LRRC37A2: variants seen among roughly 807,000 people sequenced by gnomAD.
LRRC37A2 encodes the protein leucine rich repeat containing 37 member A2.
A neutral mutation model predicts 68.8 loss-of-function variants in LRRC37A2; 9 were observed. The ratio of observed to expected loss-of-function variants is 0.13; its 90% confidence interval spans 0.08 to 0.23. The LOEUF is 0.23. Ranked by LOEUF, LRRC37A2 falls within the 10% of genes least tolerant of loss-of-function variation. LRRC37A2 has a pLI of 1.00. For missense variants in LRRC37A2, 168 were observed against 950.4 expected, an observed-to-expected ratio of 0.18 and a Z score of 10.82; for synonymous variants, 63 against 367.6, an observed-to-expected ratio of 0.17 and a Z score of 9.48.
the LRRC37A2 span, among the ~76,000 whole-genome samples, chr17:46,853,041 C>T: frequency 2.0e-5 from 3 of 152,166 alleles, no homozygotes; most frequent in Admixed American, 2.0e-4. Context: ...AGGGGTTGAA[C>T]TTGATATGAC....
At chr17:46,776,334 C>G in the LRRC37A2 span, among the ~76,000 whole-genome samples, 3 of 152,310 alleles carry the variant, frequency 2.0e-5, no homozygotes, top group Admixed American at 2.0e-4. Flanking sequence ...ACAGCACTGC[C>G]CCTGCCCTGT....
chr17:46,491,062 T>C, the LRRC37A2 span, among the ~76,000 whole-genome samples: 1 of 150,616 alleles, frequency 6.6e-6, no homozygotes, highest in African/African-American at 2.5e-5. Context: ...ACCCAGCTAA[T>C]TTTTTGTATT....
At chr17:46,882,321 C>T in the LRRC37A2 span, among the ~76,000 whole-genome samples, 4 of 152,218 alleles carry the variant, frequency 2.6e-5, no homozygotes, top group African/African-American at 9.6e-5. Flanking sequence ...AGAGTCCAGG[C>T]TGCATGTCTC....
chr17:46,502,721 T>TTTTTTG, the LRRC37A2 span, among the ~76,000 whole-genome samples: 1 of 151,110 alleles, frequency 6.6e-6, no homozygotes, highest in Non-Finnish European at 1.5e-5. Context: ...CCTGTGAGGG[T>TTTTTTG]TTTTTGTTTT....
At chr17:46,795,256 C>T in the LRRC37A2 span, among the ~76,000 whole-genome samples, 8 of 152,176 alleles carry the variant, frequency 5.3e-5, no homozygotes, top group Admixed American at 3.3e-4. Flanking sequence ...CCCACACCAG[C>T]GCATTCAGCC....
At chr17:46,961,031 T>A in the LRRC37A2 span, among the ~76,000 whole-genome samples, 1 of 151,800 alleles carries the variant, frequency 6.6e-6, no homozygotes, top group Admixed American at 6.6e-5. Flanking sequence ...GGGGAGAGTT[T>A]AAAAAAAACA....
At chr17:46,843,725 A>T in the LRRC37A2 span, among the ~76,000 whole-genome samples, 1 of 152,226 alleles carries the variant, frequency 6.6e-6, no homozygotes, top group Admixed American at 6.5e-5. Context: ...ATGGGTTAAC[A>T]GTTTTATAGG....
the LRRC37A2 span, among the ~76,000 whole-genome samples, chr17:46,945,369 A>G: frequency 1.3e-5 from 2 of 152,136 alleles, no homozygotes; most frequent in Non-Finnish European, 2.9e-5. Context: ...GACAAGCCCT[A>G]CTGTCCTAGG....
the LRRC37A2 span, chr17:46,832,815 G>A: frequency 6.5e-6 from 1 of 153,040 alleles, no homozygotes; most frequent in African/African-American, 2.4e-5. Context: ...GGAGATCTGG[G>A]ATTCCAACAT....
chr17:47,017,724 C>T, the LRRC37A2 span: 2 of 1,610,916 alleles, frequency 1.2e-6, no homozygotes, highest in Non-Finnish European at 1.7e-6. Flanking sequence ...TAGTCAGAAA[C>T]AGAATTTGCA....
chr17:46,834,275 A>G, the LRRC37A2 span, among the ~76,000 whole-genome samples: 33 of 152,140 alleles, frequency 2.2e-4, no homozygotes, highest in African/African-American at 7.7e-4. Flanking sequence ...GGATTTGCCA[A>G]CTCTCAGGGG....
chr17:46,847,845 C>T, the LRRC37A2 span, among the ~76,000 whole-genome samples: 1 of 152,274 alleles, frequency 6.6e-6, no homozygotes, highest in African/African-American at 2.4e-5. Flanking sequence ...TTGTTTCAGG[C>T]AGGGTGGGCT....
chr17:47,024,199 TTAAATA>T, the LRRC37A2 span, among the ~76,000 whole-genome samples: 2 of 152,206 alleles, frequency 1.3e-5, no homozygotes, highest in African/African-American at 4.8e-5. Context: ...AAAAATTAAA[TTAAATA>T]TAAACAACAT....
At chr17:47,033,046 G>C in the LRRC37A2 span, among the ~76,000 whole-genome samples, 1 of 151,792 alleles carries the variant, frequency 6.6e-6, no homozygotes, top group Non-Finnish European at 1.5e-5. Context: ...GTGAAACCCT[G>C]TCTCTACTAA....
chr17:46,999,363 C>CT, the LRRC37A2 span, among the ~76,000 whole-genome samples: 1 of 152,228 alleles, frequency 6.6e-6, no homozygotes, highest in African/African-American at 2.4e-5. Flanking sequence ...TCCACAGTTG[C>CT]TTTTTTTCTT....
At chr17:46,913,253 T>C in the LRRC37A2 span, among the ~76,000 whole-genome samples, 1 of 152,038 alleles carries the variant, frequency 6.6e-6, no homozygotes. Flanking sequence ...TGAAACGGAG[T>C]CCATTTCCAG....
At chr17:46,735,214 G>GCCATT in the LRRC37A2 span, among the ~76,000 whole-genome samples, 1 of 152,090 alleles carries the variant, frequency 6.6e-6, no homozygotes, top group Non-Finnish European at 1.5e-5. Context: ...AGATATATAT[G>GCCATT]CCATTTTCTG....
chr17:46,887,444 C>A, the LRRC37A2 span, among the ~76,000 whole-genome samples: 2 of 151,492 alleles, frequency 1.3e-5, no homozygotes, highest in Non-Finnish European at 2.9e-5. Flanking sequence ...AAAAAAAAAT[C>A]TCTATATAGA....
the LRRC37A2 span, chr17:46,966,606 C>T: frequency 2.9e-6 from 2 of 687,704 alleles, no homozygotes; most frequent in East Asian, 2.8e-5. Context: ...GCATCAGCCT[C>T]CCGAAGTGCT....
Sources: gnomAD v4.1 joint callset for allele counts (sites outside exome capture counted in the v4.1 genomes callset) on GRCh38, gnomAD v4.1.1 for gene constraint, MANE v1.5 for transcripts, NCBI Gene and HGNC (gene_info 2026-07-23, HGNC 2026-07-21) for gene names.